Variants in NCAM1 observed in about 807,000 individuals in gnomAD.
NCAM1 encodes antigen recognized by monoclonal antibody 5.1H11.
In NCAM1, 14 loss-of-function variants were observed where a neutral mutation model predicts 109.8. The ratio of observed to expected loss-of-function variants is 0.13; its 90% CI spans 0.08 to 0.20. The LOEUF (loss-of-function observed/expected upper bound fraction) is 0.20. Ranked by LOEUF, NCAM1 falls within the 10% of genes least tolerant of loss-of-function variation. The pLI, the probability that NCAM1 is intolerant of heterozygous loss-of-function variation, is 1.00. For synonymous variants in NCAM1, 418 were observed against 442.9 expected, an observed-to-expected ratio of 0.94 and a Z score of 0.70; for missense variants, 774 against 1,109.9, an observed-to-expected ratio of 0.70 and a Z score of 4.30.
intron 1 of NCAM1, among the ~76,000 whole-genome samples, chr11:113,013,611 C>T (rs1952130607): frequency 6.6e-6 from 1 of 152,068 alleles, no homozygotes. Context: ...TGTCTCTGTT[C>T]TTCCTCTATG....
intron 1 of NCAM1, among the ~76,000 whole-genome samples, chr11:113,042,934 T>A (rs1555080195): frequency 6.6e-6 from 1 of 152,216 alleles, no homozygotes; most frequent in South Asian, 2.1e-4. Flanking sequence ...TGACACATAG[T>A]AAGTACTCAG....
intron 17 of NCAM1, among the ~76,000 whole-genome samples, chr11:113,267,976 A>C (rs1220826078): frequency 1.3e-5 from 2 of 152,196 alleles, no homozygotes; most frequent in Admixed American, 1.3e-4. Flanking sequence ...CATATTCCCC[A>C]CTGTCATCAA....
chr11:113,211,255 G>A (rs2136988711), intron 7 of NCAM1, among the ~76,000 whole-genome samples: 1 of 152,306 alleles, frequency 6.6e-6, no homozygotes, highest in South Asian at 2.1e-4. Flanking sequence ...CTGCAAGTGG[G>A]AGTAGAGTCT....
In NCAM1 at chr11:113,274,802, G is replaced by T. The variant is rs1191548564; in HGVS notation, c.2457-465G>T. 2.0e-5 allele frequency among the ~76,000 whole-genome samples: 3 copies of T among 152,198 alleles called. No homozygotes were observed. Among genetic ancestry groups the T allele is most frequent in the Admixed American group, 2.0e-4 (3 of 15,294 alleles). On this transcript the variant is annotated intron_variant, in intron 19 of 19. Transcript: ENST00000316851. The surrounding 1 kb of genome is among the most constrained non-coding windows in gnomAD (Gnocchi z 4.1). ...GGGACAGGCAAGAGTGGGTTGCAAA[G>T]GGGCCCCTGAAATCAGTGCTGGGAG...
At chr11:113,062,291 T>C (rs1266463965) in intron 1 of NCAM1, among the ~76,000 whole-genome samples, 1 of 152,178 alleles carries the variant, frequency 6.6e-6, no homozygotes, top group Non-Finnish European at 1.5e-5. Flanking sequence ...CTGAGTGGTG[T>C]TCTGTCTCCA....
chr11:113,120,100 G>A (rs759730528), intron 1 of NCAM1, among the ~76,000 whole-genome samples: 2 of 152,184 alleles, frequency 1.3e-5, no homozygotes, highest in Non-Finnish European at 2.9e-5. Context: ...AGAAGAATTA[G>A]CCAGCCTTGA....
intron 1 of NCAM1, among the ~76,000 whole-genome samples, chr11:113,050,441 A>G (rs1555081637): frequency 6.6e-6 from 1 of 151,964 alleles, no homozygotes; most frequent in African/African-American, 2.4e-5. Context: ...CTTTCCCCTT[A>G]TTTTCTTCAA....
chr11:113,218,020 C>T (rs766603209), intron 8 of NCAM1, among the ~76,000 whole-genome samples: 17 of 152,284 alleles, frequency 1.1e-4, no homozygotes, highest in Admixed American at 7.8e-4. Context: ...TAGAAATTCA[C>T]CTTAGAAGTC....
At chr11:113,183,905 G>A (rs1168090558) in intron 1 of NCAM1, among the ~76,000 whole-genome samples, 2 of 152,152 alleles carry the variant, frequency 1.3e-5, no homozygotes, top group Admixed American at 6.5e-5. Context: ...GATTGTATAG[G>A]AAAATGTCCT....
At chr11:113,239,130 A>G (rs1056362753) in intron 14 of NCAM1, among the ~76,000 whole-genome samples, 1 of 152,236 alleles carries the variant, frequency 6.6e-6, no homozygotes, top group Non-Finnish European at 1.5e-5. Context: ...GTTAGTAAGC[A>G]TGGCTTACCT....
intron 1 of NCAM1, among the ~76,000 whole-genome samples, chr11:113,096,521 C>T (rs375822896): frequency 1.8e-4 from 28 of 152,118 alleles, no homozygotes; most frequent in South Asian, 2.1e-4. Flanking sequence ...AGCCCAGCTC[C>T]GAGGTCAGGG....
chr11:112,981,310 G>A (rs2212449), intron 1 of NCAM1, among the ~76,000 whole-genome samples: 3 of 151,602 alleles, frequency 2.0e-5, no homozygotes, highest in Admixed American at 6.6e-5. Context: ...ATCATAAAGC[G>A]GTACACAATA....
At chr11:112,978,457 T>C (rs1029132109) in intron 1 of NCAM1, among the ~76,000 whole-genome samples, 9 of 151,828 alleles carry the variant, frequency 5.9e-5, no homozygotes, top group Non-Finnish European at 8.8e-5. Context: ...GACTCAGTGG[T>C]TGAATGTAAA....
intron 1 of NCAM1, among the ~76,000 whole-genome samples, chr11:113,055,060 T>G (rs1813134681): frequency 6.6e-6 from 1 of 152,252 alleles, no homozygotes; most frequent in Admixed American, 6.5e-5. Context: ...GTTTAAAGAT[T>G]GCTGGCGCAT....
At chr11:113,255,246 TACAAAA>T (rs1945803519) in intron 15 of NCAM1, among the ~76,000 whole-genome samples, 1 of 152,180 alleles carries the variant, frequency 6.6e-6, no homozygotes, top group Admixed American at 6.5e-5. Flanking sequence ...TAAGGATACT[TACAAAA>T]AACTTGCCTG....
At chr11:113,168,161 T>G (rs1555105581) in intron 1 of NCAM1, among the ~76,000 whole-genome samples, 4 of 152,196 alleles carry the variant, frequency 2.6e-5, no homozygotes, top group Non-Finnish European at 5.9e-5. Flanking sequence ...TTGAAGGATG[T>G]TCCTTGAAAA....
Position 113,087,112 on chromosome 11 carries a change from A to G in NCAM1, c.53-115267A>G, listed in dbSNP as rs540575614. ...CAAATTTTAACCAGAGAGAAAGCACATAGTTATATTCTAGTTATTCTTTCG... is the reference window on the plus strand; with the variant it reads ...CAAATTTTAACCAGAGAGAAAGCACGTAGTTATATTCTAGTTATTCTTTCG... On this transcript the variant is annotated intron_variant, in intron 1 of 19. Coordinates refer to ENST00000316851, the MANE Select transcript of NCAM1 (RefSeq NM_181351.5). Among the ~76,000 whole-genome samples the G allele has an allele frequency of 9.2e-5, 14 of 152,376 alleles. No homozygotes were observed. The East Asian group carries it at 2.7e-3, about 29-fold the overall frequency.
chr11:113,113,363 T>G lies in NCAM1; in HGVS notation c.53-89016T>G, dbSNP rs553928425. 1.1e-3 allele frequency among the ~76,000 whole-genome samples: 167 copies of G among 152,294 alleles called. 1 individual carries two copies. Among genetic ancestry groups the G allele is most frequent in the South Asian group, 8.9e-3 (43 of 4,822 alleles). On this transcript the variant is annotated intron_variant, in intron 1 of 19. Coordinates refer to ENST00000316851, the MANE Select transcript of NCAM1 (RefSeq NM_181351.5). ...AGACTGGGCCAGATGCACTGGGCAA[T>G]GTAAAGAAATAAGCAATGTCCTGCC...
chr11:113,035,628 G>A (rs1952850911), intron 1 of NCAM1, among the ~76,000 whole-genome samples: 1 of 152,170 alleles, frequency 6.6e-6, no homozygotes, highest in Non-Finnish European at 1.5e-5. Context: ...ATTCACATGT[G>A]TGAAGCCCAT....
Sources: allele counts gnomAD v4.1 joint callset (sites outside exome capture counted in the v4.1 genomes callset), GRCh38; gene constraint gnomAD v4.1.1; non-coding constraint Gnocchi (gnomAD v3.1); transcripts MANE v1.5; gene names NCBI Gene and HGNC (gene_info 2026-07-23, HGNC 2026-07-21).